The following RXRA variants were observed in gnomAD, a reference collection of about 807,000 sequenced individuals.
RXRA encodes retinoid X receptor alpha.
Under a neutral mutation model 44.5 loss-of-function variants are expected in RXRA, and 5 were observed. The observed-to-expected ratio is 0.11, with a 90% confidence interval of 0.06 to 0.24. RXRA has a LOEUF of 0.24. Ranked by LOEUF, RXRA falls within the 10% of genes least tolerant of loss-of-function variation. The pLI is 1.00. For missense variants in RXRA, 412 were observed against 646.5 expected, an observed-to-expected ratio of 0.64 and a Z score of 3.93; for synonymous variants, 291 against 271.4, an observed-to-expected ratio of 1.07 and a Z score of -0.71.
Position 134,436,529 on chromosome 9 carries a change from A to T in RXRA, c.1304A>T (p.His435Leu). The change falls in exon 10 of 10, where the codon CAT becomes CTT. Residue 435 changes from histidine to leucine, a missense_variant. His to Leu is a moderately conservative substitution (Grantham distance 99, BLOSUM62 -3). Transcript: ENST00000481739. Reference protein sequence around the residue: ...LRSIGLKCLEHLFFFKLIGDT... With the variant: ...LRSIGLKCLELLFFFKLIGDT... The stretch of plus-strand genomic sequence containing the variant: ...TCCATCGGGCTCAAATGCCTGGAAC[A>T]TCTCTTCTTCTTCAAGCTCATCGGG... The T allele has an allele frequency of 6.2e-7, 1 of 1,614,124 alleles. No homozygotes were observed. The highest frequency in any genetic ancestry group is 8.5e-7 in the Non-Finnish European group (1 of 1,180,018).
chr9:134,400,361 C>G (rs926131062), intron 1 of RXRA, among the ~76,000 whole-genome samples: 1 of 152,188 alleles, frequency 6.6e-6, no homozygotes, highest in African/African-American at 2.4e-5. Flanking sequence ...TGGGCTCAGT[C>G]ATAGCCACTC....
rs1222945516 is a variant in RXRA at position 134,437,579 on chromosome 9, G to C, written c.*965G>C. On this transcript the variant is annotated 3_prime_UTR_variant, in exon 10 of 10. Coordinates refer to ENST00000481739, the MANE Select transcript of RXRA (RefSeq NM_002957.6). ...CCTGCAGCCATCTGTGAGGCCCGCG[G>C]GGATGGGAGGGGAGGAGGGTGGCCT... 1 of 152,374 alleles carries C rather than the reference G, an allele frequency of 6.6e-6. No individual in the cohort carries two copies. The highest frequency in any genetic ancestry group is 2.4e-5 in the African/African-American group (1 of 41,464). 9.4% of individuals were successfully genotyped at this position (152,374 alleles called of 1,614,324 possible).
chr9:134,421,908 CT>C, intron 6 of RXRA, 103 bp downstream of exon 6: 3 of 1,538,096 alleles, frequency 2.0e-6, no homozygotes, highest in Non-Finnish European at 2.6e-6. Context: ...GGACACTCCC[CT>C]GTCCTGGGAC....
chr9:134,335,853 C>T (rs1485143242), intron 1 of RXRA, among the ~76,000 whole-genome samples: 1 of 152,154 alleles, frequency 6.6e-6, no homozygotes, highest in Non-Finnish European at 1.5e-5. Context: ...ACCCCTTGGT[C>T]TGTCCCTGTA....
chr9:134,379,725 G>T, intron 1 of RXRA: 1 of 985,432 alleles, frequency 1.0e-6, no homozygotes, highest in Non-Finnish European at 1.2e-6. Context: ...GCCTGGGCGG[G>T]TTCGTGGGTC....
chr9:134,371,689 A>G (rs1047073705), intron 1 of RXRA, among the ~76,000 whole-genome samples: 1 of 152,048 alleles, frequency 6.6e-6, no homozygotes, highest in Non-Finnish European at 1.5e-5. Flanking sequence ...GGTATGGAGG[A>G]CGGGCCTGGG....
At chr9:134,374,802 G>C (rs1830532856) in intron 1 of RXRA, among the ~76,000 whole-genome samples, 1 of 152,224 alleles carries the variant, frequency 6.6e-6, no homozygotes, top group Non-Finnish European at 1.5e-5. Flanking sequence ...GCTTGGCAGT[G>C]CCTCGTGTTA....
At chr9:134,422,558 TC>T (rs1180901825) in intron 6 of RXRA, 1 of 1,047,328 alleles carries the variant, frequency 9.5e-7, no homozygotes, top group Admixed American at 4.4e-5. Context: ...CCTGGGACAG[TC>T]CCCACTCCCG....
At chr9:134,364,294 C>T (rs1363898298) in intron 1 of RXRA, among the ~76,000 whole-genome samples, 1 of 152,238 alleles carries the variant, frequency 6.6e-6, no homozygotes, top group Non-Finnish European at 1.5e-5. Context: ...GGCAAACGCC[C>T]ACTGCGTGGG....
intron 7 of RXRA, among the ~76,000 whole-genome samples, chr9:134,430,652 G>A (rs553453152): frequency 4.6e-4 from 70 of 152,204 alleles, no homozygotes; most frequent in African/African-American, 7.2e-4. Flanking sequence ...CCCCACGGGG[G>A]CTGCAGGGTG....
intron 1 of RXRA, among the ~76,000 whole-genome samples, chr9:134,362,145 G>A (rs1410222426): frequency 6.6e-6 from 1 of 152,088 alleles, no homozygotes; most frequent in Non-Finnish European, 1.5e-5. Context: ...GTGCGGGTTG[G>A]GAGGGGATGG....
intron 6 of RXRA, chr9:134,422,537 C>G: frequency 8.2e-7 from 1 of 1,226,658 alleles, no homozygotes; most frequent in Non-Finnish European, 1.1e-6. Context: ...CCTTCCGGGA[C>G]ACTCCCCCCT....
chr9:134,347,094 C>T (rs1564263766), intron 1 of RXRA, among the ~76,000 whole-genome samples: 1 of 150,854 alleles, frequency 6.6e-6, no homozygotes, highest in Non-Finnish European at 1.5e-5. Flanking sequence ...GGGGTGGTGG[C>T]CTCTCTGTCC....
At chr9:134,334,901 T>C (rs550661218) in intron 1 of RXRA, among the ~76,000 whole-genome samples, 1 of 152,232 alleles carries the variant, frequency 6.6e-6, no homozygotes, top group East Asian at 1.9e-4. Flanking sequence ...GGGCATGTTG[T>C]GGTGAAGCGC....
Position 134,425,140 on chromosome 9 carries a change from G to C in RXRA, c.910+3335G>C, listed in dbSNP as rs554146950. ...CCTGTGGCTCGCGGTGACACTGAGT[G>C]GGGGTGCAGTGGCCACAGCCCTGCA... is the stretch of plus-strand genomic sequence containing the variant. On this transcript the variant is annotated intron_variant, in intron 6 of 9. Transcript: ENST00000481739. 6 of 985,396 alleles carry C rather than the reference G, an allele frequency of 6.1e-6. No homozygotes were observed. In the East Asian group the frequency reaches 5.7e-4, roughly 93 times the overall value. 61.0% of individuals were successfully genotyped at this position (985,396 alleles called of 1,614,324 possible).
chr9:134,401,827 A>T lies in RXRA; in HGVS notation c.224A>T (p.His75Leu). ...FSVISSPMGP[H>L]SMSVPTTPTL... Reference sequence around the variant, plus strand: ...GTCATCAGCTCCCCCATGGGCCCCCACTCCATGTCGGTGCCCACCACACCC... The same window carrying T: ...GTCATCAGCTCCCCCATGGGCCCCCTCTCCATGTCGGTGCCCACCACACCC... Residue 75 changes from histidine to leucine, a missense_variant, in exon 2 of 10, where the codon CAC (histidine) becomes CTC (leucine). Transcript: ENST00000481739. The T allele has an allele frequency of 6.2e-7, 1 of 1,609,142 alleles. No homozygotes were observed. Among genetic ancestry groups the T allele is most frequent in the Non-Finnish European group, 8.5e-7 (1 of 1,178,510 alleles).
intron 1 of RXRA, among the ~76,000 whole-genome samples, chr9:134,363,177 C>T (rs1830374446): frequency 6.6e-6 from 1 of 152,202 alleles, no homozygotes; most frequent in African/African-American, 2.4e-5. Flanking sequence ...CCACGTTCTC[C>T]CCATGGGGAC....
At chr9:134,346,082 A>G (rs1259336882) in intron 1 of RXRA, among the ~76,000 whole-genome samples, 3 of 152,162 alleles carry the variant, frequency 2.0e-5, no homozygotes, top group Non-Finnish European at 4.4e-5. Context: ...TATGGCTGAC[A>G]GCCCAGAGTG....
chr9:134,366,228 G>T lies in RXRA; in HGVS notation c.29-35404G>T, dbSNP rs1241390505. Among the ~76,000 whole-genome samples the T allele has an allele frequency of 6.6e-6, 1 of 152,160 alleles. No individual in the cohort carries two copies. Among genetic ancestry groups the T allele is most frequent in the Non-Finnish European group, 1.5e-5 (1 of 68,004 alleles). On this transcript the variant is annotated intron_variant, in intron 1 of 9. Coordinates refer to ENST00000481739, the MANE Select transcript of RXRA (RefSeq NM_002957.6). The surrounding 1 kb of genome is among the most constrained non-coding windows in gnomAD (Gnocchi z 5.9). ...TCTGGGCTGTGTGTGGGGCCAGGGA[G>T]GGTGTCTTCAGCACAGGTGCCCGCT...
Sources: allele counts gnomAD v4.1 joint callset (sites outside exome capture counted in the v4.1 genomes callset), GRCh38; gene constraint gnomAD v4.1.1; non-coding constraint Gnocchi (gnomAD v3.1); transcripts MANE v1.5; gene names NCBI Gene and HGNC (gene_info 2026-07-23, HGNC 2026-07-21).